COL18A1: variants seen among roughly 807,000 people sequenced by gnomAD.
COL18A1 encodes the protein collagen type XVIII alpha 1 chain, also known as collagen alpha-1(XVIII) chain.
In COL18A1, 133 loss-of-function variants were observed where a neutral mutation model predicts 168.0. The observed-to-expected ratio is 0.79, with a 90% CI of 0.69 to 0.91. The LOEUF is 0.91. COL18A1 is among the 40% of genes least tolerant of loss of function. The pLI, the probability that COL18A1 is intolerant of heterozygous loss-of-function variation, is 0.00. For missense variants in COL18A1, 2,126 were observed against 1,925.4 expected, an observed-to-expected ratio of 1.10 and a Z score of -1.95; for synonymous variants, 949 against 809.0, an observed-to-expected ratio of 1.17 and a Z score of -2.94.
chr21:45,504,268 G>A, intron 33 of COL18A1, 148 bp from the exon 34 acceptor site: 1 of 888,532 alleles, frequency 1.1e-6, no homozygotes, highest in East Asian at 2.6e-5. Flanking sequence ...GGGAGGTGGG[G>A]AGTCGAGCCC....
Position 45,509,578 on chromosome 21 carries a change from A to G in COL18A1, c.3472A>G (p.Ser1158Gly). 6.6e-7 allele frequency: 1 copy of G among 1,523,760 alleles called. No homozygotes were observed. Among genetic ancestry groups the G allele is most frequent in the Non-Finnish European group, 8.8e-7 (1 of 1,135,506 alleles). 94.4% of individuals were successfully genotyped at this position (1,523,760 alleles called of 1,614,324 possible). A position where few individuals can be genotyped will look rare whatever the true frequency, so the allele number is the denominator to read the frequency against. The change falls in exon 39 of 42, where the codon AGC (serine) becomes GGC (glycine). Residue 1158 changes from serine to glycine, a missense_variant. Transcript: ENST00000651438. ...PARPTSPPAH[S>G]HRDFQPVLHL... Reference sequence around the variant, plus strand: ...GCGACCCACAAGCCCACCCGCCCACAGCCACCGCGACTTCCAGCCGGTGGT... The same window carrying G: ...GCGACCCACAAGCCCACCCGCCCACGGCCACCGCGACTTCCAGCCGGTGGT...
Position 45,467,193 on chromosome 21 carries a change from C to T in COL18A1, c.107-1049C>T, listed in dbSNP as rs954511951. ...GGTCTGCCCTTGAGTGGGTGCTGCCCCCCTCCCGTGGGCAGGAAACGAGGT... is the reference window on the plus strand; with the variant it reads ...GGTCTGCCCTTGAGTGGGTGCTGCCTCCCTCCCGTGGGCAGGAAACGAGGT... On this transcript the variant is annotated intron_variant, in intron 2 of 41. Transcript: ENST00000651438. 53 of 970,518 alleles carry T rather than the reference C, an allele frequency of 5.5e-5. 1 individual carries two copies. In the African/African-American group the frequency reaches 8.6e-4, roughly 16 times the overall value. 60.1% of individuals were successfully genotyped at this position (970,518 alleles called of 1,614,324 possible). A position where few individuals can be genotyped will look rare whatever the true frequency, so the allele number is the denominator to read the frequency against.
At chr21:45,451,520 T>C (rs1602410695) in intron 2 of COL18A1, among the ~76,000 whole-genome samples, 1 of 152,200 alleles carries the variant, frequency 6.6e-6, no homozygotes, top group Non-Finnish European at 1.5e-5. Context: ...AGCCATGCTC[T>C]TCCCCAGCTC....
At position 45,415,161 on chromosome 21, in the gene COL18A1, G is replaced by A. The variant is rs567243322; in HGVS notation, c.106+9688G>A. Among the ~76,000 whole-genome samples, 61 of 152,294 alleles carry A rather than the reference G, an allele frequency of 4.0e-4. No individual in the cohort carries two copies. In the South Asian group the frequency reaches 0.012, roughly 29 times the overall value. On this transcript the variant is annotated intron_variant, in intron 2 of 41. Transcript: ENST00000651438. Reference sequence around the variant, plus strand: ...GTGGTGTTGGTTCACCGAAGGGGTGGCATTAGTGACCATGGGAATAAGGGC... The same window carrying A: ...GTGGTGTTGGTTCACCGAAGGGGTGACATTAGTGACCATGGGAATAAGGGC...
rs368652844 is a variant in COL18A1 at position 45,442,839 on chromosome 21, C to G, written c.107-25403C>G. On this transcript the variant is annotated intron_variant, in intron 2 of 41. Coordinates refer to ENST00000651438, the MANE Select transcript of COL18A1 (RefSeq NM_001379500.1). Reference sequence around the variant, plus strand: ...CGGAGGTCCTGGTGTGGGCGGCGGTCCTGGTGTGGGCGGAGGTCCTGGTGT... The same window carrying G: ...CGGAGGTCCTGGTGTGGGCGGCGGTGCTGGTGTGGGCGGAGGTCCTGGTGT... 7.5e-4 allele frequency among the ~76,000 whole-genome samples: 52 copies of G among 69,756 alleles called. 3 individuals carry two copies. The highest frequency in any genetic ancestry group is 1.8e-3 in the African/African-American group (34 of 19,346). The allele number at this position is 69,756 out of a possible 152,430, so 45.8% of individuals were successfully genotyped here.
At chr21:45,442,550 G>A (rs557786225) in intron 2 of COL18A1, among the ~76,000 whole-genome samples, 29 of 152,398 alleles carry the variant, frequency 1.9e-4, no homozygotes, top group Middle Eastern at 3.4e-3. Context: ...GACCCCTTCG[G>A]ATGAGCACGC....
chr21:45,466,442 A>G (rs2035215015), intron 2 of COL18A1, among the ~76,000 whole-genome samples: 1 of 152,194 alleles, frequency 6.6e-6, no homozygotes, highest in Non-Finnish European at 1.5e-5. Context: ...CCGCCCCACC[A>G]TACCCAGGAA....
intron 9 of COL18A1, among the ~76,000 whole-genome samples, chr21:45,479,483 AC>A (rs1021137388): frequency 2.0e-4 from 30 of 152,164 alleles, no homozygotes; most frequent in African/African-American, 7.2e-4. Flanking sequence ...ACATACACAT[AC>A]CACGTGTGCA....
intron 2 of COL18A1, chr21:45,456,339 G>T: frequency 6.5e-7 from 1 of 1,550,334 alleles, no homozygotes; most frequent in South Asian, 1.2e-5. Flanking sequence ...CTGGTGATGG[G>T]CTCCCTGGGC....
intron 3 of COL18A1, among the ~76,000 whole-genome samples, chr21:45,472,218 G>GTT (rs552472776): frequency 2.1e-5 from 3 of 144,924 alleles, no homozygotes; most frequent in Admixed American, 6.9e-5. Context: ...GAGAAGCGCA[G>GTT]TTTTTTTTTT....
At chr21:45,413,368 C>T (rs529997414) in intron 2 of COL18A1, among the ~76,000 whole-genome samples, 2 of 152,404 alleles carry the variant, frequency 1.3e-5, no homozygotes, top group African/African-American at 2.4e-5. Context: ...CAGGCTTCAA[C>T]GCCCCTGTCG....
rs762237741 is a variant in COL18A1 at position 45,492,532 on chromosome 21, CAG to C, written c.2158-2_2158-1del. 21 of 1,613,382 alleles carry C rather than the reference CAG, an allele frequency of 1.3e-5. No individual in the cohort carries two copies. The highest frequency in any genetic ancestry group is 1.6e-4 in the Middle Eastern group (1 of 6,062). ...TCCGATTTTTCCTTTTGCTCGTGGA[CAG>C]GGATCCGTCCTGAGCGTGCCGGGAC... On this transcript the variant is annotated splice_acceptor_variant, in intron 22 of 41. Transcript: ENST00000651438. LOFTEE classifies it high-confidence loss of function.
At chr21:45,506,079 C>A in intron 37 of COL18A1, 113 bp downstream of exon 37, 1 of 1,512,108 alleles carries the variant, frequency 6.6e-7, no homozygotes, top group Non-Finnish European at 9.1e-7. Flanking sequence ...CAGGTGGCAG[C>A]CAGCGCTTCT....
At chr21:45,419,360 C>T (rs1396554209) in intron 2 of COL18A1, among the ~76,000 whole-genome samples, 8 of 151,404 alleles carry the variant, frequency 5.3e-5, no homozygotes, top group South Asian at 2.1e-4. Context: ...TGCGCGATGC[C>T]GTGTGTGGTG....
rs115238227 is a variant in COL18A1 at position 45,426,962 on chromosome 21, G to A, written c.106+21489G>A. Among the ~76,000 whole-genome samples the A allele has an allele frequency of 8.5e-3, 1,287 of 152,292 alleles. 15 individuals carry two copies. Among genetic ancestry groups the A allele is most frequent in the African/African-American group, 0.029 (1,226 of 41,568 alleles). ...CCGTGCACACAGGTGCTCTCAGGAC[G>A]CAGGGGCTTCTCAGCCCTGCTGTCC... On this transcript the variant is annotated intron_variant, in intron 2 of 41. Coordinates refer to ENST00000651438, the MANE Select transcript of COL18A1 (RefSeq NM_001379500.1).
chr21:45,411,360 C>T (rs2033283202), intron 2 of COL18A1, among the ~76,000 whole-genome samples: 1 of 152,088 alleles, frequency 6.6e-6, no homozygotes, highest in South Asian at 2.1e-4. Flanking sequence ...TGATGGGTGG[C>T]GAGGCCCCCG....
At chr21:45,406,158 C>T (rs989406207) in intron 2 of COL18A1, among the ~76,000 whole-genome samples, 2 of 152,226 alleles carry the variant, frequency 1.3e-5, no homozygotes, top group African/African-American at 2.4e-5. Context: ...TTCCCCACCA[C>T]CTGCTAACCG....
In COL18A1 at chr21:45,486,984, G is replaced by A. The variant is rs552119369; in HGVS notation, c.1825G>A (p.Ala609Thr). 3.4e-5 allele frequency: 51 copies of A among 1,521,102 alleles called. No homozygotes were observed. Among genetic ancestry groups the A allele is most frequent in the South Asian group, 3.2e-4 (25 of 78,768 alleles). The allele number at this position is 1,521,102 out of a possible 1,614,324, so 94.2% of individuals were successfully genotyped here. Reference sequence around the variant, plus strand: ...TGGGCCCCCAGGACCAGGACTCCCCGCTGGATTTGTGAGTACCGCCTACAC... The same window carrying A: ...TGGGCCCCCAGGACCAGGACTCCCCACTGGATTTGTGAGTACCGCCTACAC... ...PPGPPGPGLP[A>T]GFDDMEGSGG... Residue 609 changes from alanine (A) to threonine (T), a missense_variant, in exon 16 of 42, where the codon GCT (alanine) becomes ACT (threonine). By Grantham distance (58) the Ala-to-Thr change is moderately conservative (BLOSUM62 0). Transcript: ENST00000651438.
chr21:45,512,045 G>A (rs1265729224), intron 41 of COL18A1, 143 bp from the exon 42 acceptor site: 3 of 850,430 alleles, frequency 3.5e-6, no homozygotes, highest in African/African-American at 1.7e-5. Context: ...GAGGCCATGT[G>A]GCCCTCCAGG....
Sources: gnomAD v4.1 joint callset for allele counts (sites outside exome capture counted in the v4.1 genomes callset) on GRCh38, gnomAD v4.1.1 for gene constraint, MANE v1.5 for transcripts, NCBI Gene and HGNC (gene_info 2026-07-23, HGNC 2026-07-21) for gene names.